MEGF6: variants seen among roughly 807,000 people sequenced by gnomAD.
The protein encoded by MEGF6 is multiple epidermal growth factor-like domains protein 6.
In MEGF6, 184 loss-of-function variants were observed where a neutral mutation model predicts 207.1. That is an observed-to-expected ratio of 0.89 (90% CI 0.79 to 1.00). The LOEUF (loss-of-function observed/expected upper bound fraction) is 1.00, where lower values mean the gene tolerates loss of function less well. MEGF6 is among the 50% of genes least tolerant of loss of function. MEGF6 has a pLI of 0.00. For missense variants in MEGF6, 2,282 were observed against 2,202.9 expected (o/e 1.04, Z -0.72); for synonymous variants, 1,038 against 910.0 (o/e 1.14, Z -2.53).
chr1:3,535,070 G>A (rs1476529330), intron 4 of MEGF6, among the ~76,000 whole-genome samples: 1 of 152,184 alleles, frequency 6.6e-6, no homozygotes, highest in African/African-American at 2.4e-5. Context: ...GGCATCTCTG[G>A]CCTCAGTTTC....
intron 4 of MEGF6, among the ~76,000 whole-genome samples, chr1:3,544,904 G>A (rs924983320): frequency 6.6e-6 from 1 of 152,230 alleles, no homozygotes; most frequent in African/African-American, 2.4e-5. Context: ...ACTCAGGGCT[G>A]GGTCCAGGCT....
rs549019727 is a variant in MEGF6, at chr1:3,543,021, C to A, written c.482-18775G>T. On this transcript the variant is annotated intron_variant, in intron 4 of 36. Coordinates refer to ENST00000356575, the MANE Select transcript of MEGF6 (RefSeq NM_001409.4). ...CACATGTCAGAGGCCGTGCCCTGCC[C>A]AGGAAATGGCAGAAGCAGTGGCAGG... 5.3e-5 allele frequency among the ~76,000 whole-genome samples: 8 copies of A among 152,326 alleles called. No homozygotes were observed. The South Asian group carries it at 8.3e-4, about 16-fold the overall frequency.
At chr1:3,519,817 C>T (rs896977468) in intron 5 of MEGF6, among the ~76,000 whole-genome samples, 1 of 152,246 alleles carries the variant, frequency 6.6e-6, no homozygotes, top group African/African-American at 2.4e-5. Context: ...GTCTATGCAG[C>T]CTCTCACTGC....
In MEGF6 at chr1:3,589,606, C is replaced by A. The variant is rs550977031; in HGVS notation, c.376+5732G>T. Among the ~76,000 whole-genome samples the A allele has an allele frequency of 3.9e-5, 6 of 152,298 alleles. No homozygotes were observed. The South Asian group carries it at 1.2e-3, about 32-fold the overall frequency. On this transcript the variant is annotated intron_variant, in intron 3 of 36. Transcript: ENST00000356575. ...TTTACTCCGTAGCATTTCTCACTGG[C>A]GGCTTCATCCTTTCCTGAGTGTCTC...
intron 4 of MEGF6, chr1:3,531,451 C>G (rs1642168547): frequency 9.1e-7 from 1 of 1,104,486 alleles, no homozygotes; most frequent in South Asian, 4.4e-5. Flanking sequence ...AAGTTCTCAG[C>G]TTTCCCTCCG....
intron 4 of MEGF6, among the ~76,000 whole-genome samples, chr1:3,528,693 C>T (rs1642047547): frequency 6.6e-6 from 1 of 152,052 alleles, no homozygotes. Context: ...CAGGGATTGG[C>T]AGGTGCTGTG....
rs761171151 is a variant in MEGF6 at position 3,500,645 on chromosome 1, G to A, written c.2695C>T (p.Arg899Trp). 3.2e-5 allele frequency: 50 copies of A among 1,559,786 alleles called. No individual in the cohort carries two copies. The Middle Eastern group carries it at 5.0e-4, about 16-fold the overall frequency. ...CLCEAGYVGP[R>W]CEQQCPQGHF... The stretch of plus-strand genomic sequence containing the variant: ...GGCCGGGACTCACGCTGCTCGCACC[G>A]CGGGCCCACGTAGCCAGCCTCACAC... The change falls in exon 21 of 37, where the codon CGG becomes TGG. Residue 899 changes from arginine to tryptophan, a missense_variant. Coordinates refer to ENST00000356575, the MANE Select transcript of MEGF6 (RefSeq NM_001409.4).
At chr1:3,580,332 C>A (rs1157950358) in intron 3 of MEGF6, among the ~76,000 whole-genome samples, 4 of 152,012 alleles carry the variant, frequency 2.6e-5, no homozygotes. Flanking sequence ...CGGCTGAGGA[C>A]CCCCCTCAAG....
chr1:3,620,755 G>A, the MEGF6 span, among the ~76,000 whole-genome samples: 1 of 152,176 alleles, frequency 6.6e-6, no homozygotes, highest in African/African-American at 2.4e-5. Context: ...AAGACAGCTG[G>A]GCCCTGGGGG....
In MEGF6 at chr1:3,497,043, AG is replaced by A. The variant is rs1640637046; in HGVS notation, c.3557del (p.Pro1186LeufsTer88). The A allele has an allele frequency of 1.9e-6, 3 of 1,555,168 alleles. No individual in the cohort carries two copies. Among genetic ancestry groups the A allele is most frequent in the African/African-American group, 2.7e-5 (2 of 73,414 alleles). On this transcript the variant is annotated frameshift_variant, in exon 28 of 37. Transcript: ENST00000356575. LOFTEE classifies it high-confidence loss of function. The stretch of plus-strand genomic sequence containing the variant: ...CAGCACATGAGCAGGTCCCGGTGGC[AG>A]GGTGGCAGGCCGGGTTCTCACCGGG... ...QCPGENPACH[P>X]ATGTCSCAAG... is the part of the protein sequence containing the mutation.
At position 3,590,953 on chromosome 1, in the gene MEGF6, G is replaced by A. The variant is rs79315961; in HGVS notation, c.376+4385C>T. On this transcript the variant is annotated intron_variant, in intron 3 of 36. Transcript: ENST00000356575. ...ACAGGGACAGCGGTGCCCTGGTCTA[G>A]GAAGCAGGGAGGACCCTGGCTGGGC... is the stretch of plus-strand genomic sequence containing the variant. Among the ~76,000 whole-genome samples the A allele has an allele frequency of 9.2e-3, 1,360 of 147,608 alleles. 32 individuals carry two copies. In the East Asian group the frequency reaches 0.13, roughly 14 times the overall value.
chr1:3,520,387 C>T (rs770478706), intron 5 of MEGF6, among the ~76,000 whole-genome samples: 5 of 152,212 alleles, frequency 3.3e-5, no homozygotes, highest in Admixed American at 6.5e-5. Flanking sequence ...CAGGGTGTCA[C>T]GGAAAACCAA....
At chr1:3,585,246 G>C in intron 3 of MEGF6, among the ~76,000 whole-genome samples, 1 of 149,914 alleles carries the variant, frequency 6.7e-6, no homozygotes, top group East Asian at 2.0e-4. Context: ...GTGGGTGTGA[G>C]TGACATATGT....
intron 14 of MEGF6, 119 bp from the exon 15 acceptor site, chr1:3,506,355 C>A (rs1460642300): frequency 3.1e-6 from 4 of 1,274,070 alleles, no homozygotes; most frequent in Non-Finnish European, 4.3e-6. Flanking sequence ...GAGCAGCCCC[C>A]GCCAGGGCAC....
chr1:3,528,028 G>A (rs1642024220), intron 4 of MEGF6, among the ~76,000 whole-genome samples: 1 of 152,246 alleles, frequency 6.6e-6, no homozygotes. Flanking sequence ...CAGGGCCTGG[G>A]TGGGGGTGCT....
At chr1:3,545,265 GA>G (rs1368507312) in intron 4 of MEGF6, among the ~76,000 whole-genome samples, 1 of 152,206 alleles carries the variant, frequency 6.6e-6, no homozygotes, top group Non-Finnish European at 1.5e-5. Context: ...AGGCCCCCCA[GA>G]ATGCCAGAGA....
At chr1:3,611,520 A>G (rs531191318), upstream of MEGF6, 3 of 375,896 alleles carry the variant, frequency 8.0e-6, no homozygotes, top group African/African-American at 2.1e-5. Context: ...CCCCGGACTC[A>G]GAGCCTGGAA....
At chr1:3,589,646 G>A (rs1328134569) in intron 3 of MEGF6, among the ~76,000 whole-genome samples, 1 of 152,192 alleles carries the variant, frequency 6.6e-6, no homozygotes, top group Non-Finnish European at 1.5e-5. Flanking sequence ...AAGGACAGGA[G>A]CCCCAGGAGG....
chr1:3,496,532 C>T lies in MEGF6; in HGVS notation c.3742+123G>A. 12 of 1,427,398 alleles carry T rather than the reference C, an allele frequency of 8.4e-6. No homozygotes were observed. The South Asian group carries it at 1.5e-4, about 18-fold the overall frequency. The allele number at this position is 1,427,398 out of a possible 1,614,324, so 88.4% of individuals were successfully genotyped here. ...GGCTTAGCCCCACTTGGGGCCAGGC[C>T]CAGCCAGAGGGGGCTGAAGGGCAGG... On this transcript the variant is annotated intron_variant, in intron 29 of 36. Coordinates refer to ENST00000356575, the MANE Select transcript of MEGF6 (RefSeq NM_001409.4).
Sources: allele counts gnomAD v4.1 joint callset (sites outside exome capture counted in the v4.1 genomes callset), GRCh38; gene constraint gnomAD v4.1.1; transcripts MANE v1.5; gene names NCBI Gene and HGNC (gene_info 2026-07-23, HGNC 2026-07-21).